SMPX: variants seen among roughly 807,000 people sequenced by gnomAD.
SMPX encodes the protein small muscular protein.
Under a neutral mutation model 6.3 loss-of-function variants are expected in SMPX, and 2 were observed. The ratio of observed to expected loss-of-function variants is 0.32; its 90% confidence interval spans 0.13 to 0.99. The LOEUF (loss-of-function observed/expected upper bound fraction) is 0.99. Ranked by LOEUF, SMPX falls within the 50% of genes least tolerant of loss-of-function variation. The pLI is 0.49. For missense variants in SMPX, 60 were observed against 66.8 expected, an observed-to-expected ratio of 0.90 and a Z score of 0.36; for synonymous variants, 32 against 24.7, an observed-to-expected ratio of 1.30 and a Z score of -0.88.
At chrX:21,757,571 G>C in intron 1 of SMPX, among the ~76,000 whole-genome samples, 1 of 112,016 alleles carries the variant, frequency 8.9e-6, no homozygotes, top group South Asian at 3.7e-4. Context: ...TAGCATTATA[G>C]CTTCTCTCTG....
chrX:21,715,304 GCGCGCA>G (rs1240725748), intron 4 of SMPX, among the ~76,000 whole-genome samples: 94 of 84,204 alleles, frequency 1.1e-3, no homozygotes, highest in African/African-American at 6.1e-3. Context: ...GTGTGTGTGT[GCGCGCA>G]CGCGCGCGCG....
At chrX:21,750,218 A>G (rs1404542504) in intron 2 of SMPX, among the ~76,000 whole-genome samples, 5 of 111,518 alleles carry the variant, frequency 4.5e-5, no homozygotes, top group Non-Finnish European at 7.5e-5. Flanking sequence ...CTGTCATGTC[A>G]AATTCTTTCA....
At chrX:21,740,206 T>C (rs2147388470) in intron 3 of SMPX, among the ~76,000 whole-genome samples, 1 of 112,482 alleles carries the variant, frequency 8.9e-6, no homozygotes, top group East Asian at 2.8e-4. Context: ...TCCATTTATA[T>C]TATGAATTTG....
intron 2 of SMPX, among the ~76,000 whole-genome samples, chrX:21,752,432 A>G (rs1448939720): frequency 8.9e-6 from 1 of 112,037 alleles, no homozygotes; most frequent in Non-Finnish European, 1.9e-5. Flanking sequence ...ACTTTAACAT[A>G]AAGTATTCCT....
At position 21,706,242 on chromosome X, in the gene SMPX, C is replaced by T. The variant is rs1411869874; in HGVS notation, c.*167G>A. 2 of 504,379 alleles carry T rather than the reference C, an allele frequency of 4.0e-6. No individual in the cohort carries two copies. The highest frequency in any genetic ancestry group is 2.3e-5 in the African/African-American group (1 of 43,061). 41.6% of individuals were successfully genotyped at this position (504,379 alleles called of 1,213,427 possible). ...AAAAATGAAGATAAAGTAAGAAATACAGCCAACTAGAAGGAAGAGATATAA... is the reference window on the plus strand; with the variant it reads ...AAAAATGAAGATAAAGTAAGAAATATAGCCAACTAGAAGGAAGAGATATAA... On this transcript the variant is annotated 3_prime_UTR_variant, in exon 5 of 5. Coordinates refer to ENST00000379494, the MANE Select transcript of SMPX (RefSeq NM_014332.3).
chrX:21,740,328 G>C (rs2092814712), intron 3 of SMPX, among the ~76,000 whole-genome samples: 1 of 112,029 alleles, frequency 8.9e-6, no homozygotes, highest in South Asian at 3.7e-4. Flanking sequence ...TTTGAATGAA[G>C]AAGGGACATG....
intron 4 of SMPX, among the ~76,000 whole-genome samples, chrX:21,715,169 T>G (rs1469234361): frequency 9.0e-6 from 1 of 111,112 alleles, no homozygotes; most frequent in African/African-American, 3.3e-5. Flanking sequence ...AGATAAGAGG[T>G]CAAATAAAGA....
intron 4 of SMPX, among the ~76,000 whole-genome samples, chrX:21,731,552 T>C (rs369620325): frequency 0.058 from 2,606 of 44,861 alleles, 212 homozygotes; most frequent in East Asian, 0.079. Context: ...TGTATGTGTA[T>C]ATATACACAT....
intron 2 of SMPX, among the ~76,000 whole-genome samples, chrX:21,750,564 CT>C (rs1216218879): frequency 8.9e-6 from 1 of 112,349 alleles, no homozygotes; most frequent in African/African-American, 3.2e-5. Flanking sequence ...TGGCATAGAA[CT>C]TTATCAGCTG....
rs1045660075 is a variant in SMPX, at chrX:21,757,930, C to T, written c.-13+12G>A. ...GAAAACCCAGTCGCCGGAGCTGCGT[C>T]CTTCTGCTTACCTGCTTTATGTATT... is the stretch of plus-strand genomic sequence containing the variant. On this transcript the variant is annotated intron_variant, in intron 1 of 4. Coordinates refer to ENST00000379494, the MANE Select transcript of SMPX (RefSeq NM_014332.3). 5.8e-5 allele frequency: 19 copies of T among 325,904 alleles called. No individual in the cohort carries two copies. The highest frequency in any genetic ancestry group is 7.9e-5 in the South Asian group (3 of 38,208). 26.9% of individuals were successfully genotyped at this position (325,904 alleles called of 1,213,427 possible).
At chrX:21,754,193 G>A (rs745557355) in intron 2 of SMPX, 53 bp downstream of exon 2, 26 of 1,059,496 alleles carry the variant, frequency 2.5e-5, no homozygotes, top group African/African-American at 5.5e-5. Flanking sequence ...GTGAACAATC[G>A]CCAGAAATAT....
At chrX:21,743,188 T>C (rs2092817801) in intron 3 of SMPX, among the ~76,000 whole-genome samples, 1 of 111,732 alleles carries the variant, frequency 8.9e-6, no homozygotes, top group African/African-American at 3.3e-5. Context: ...AAGTCCCCTT[T>C]TCAAAGGAAA....
chrX:21,712,100 C>T (rs749166129), intron 4 of SMPX, among the ~76,000 whole-genome samples: 120 of 112,124 alleles, frequency 1.1e-3, no homozygotes, highest in African/African-American at 3.7e-3. Flanking sequence ...GAATTGCACC[C>T]AAACAACTCC....
chrX:21,753,720 CACTT>C (rs1390873281), intron 2 of SMPX, among the ~76,000 whole-genome samples: 1 of 112,159 alleles, frequency 8.9e-6, no homozygotes, highest in African/African-American at 3.2e-5. Context: ...TTGTGGGTGA[CACTT>C]AAGTCAGTTT....
chrX:21,743,424 C>G (rs1569308473), intron 3 of SMPX, among the ~76,000 whole-genome samples: 1 of 71,862 alleles, frequency 1.4e-5, no homozygotes, highest in African/African-American at 8.2e-5. Context: ...CGTGCACACA[C>G]ACACACGCAT....
chrX:21,718,048 G>A (rs1013239294), intron 4 of SMPX, among the ~76,000 whole-genome samples: 1 of 112,025 alleles, frequency 8.9e-6, no homozygotes, highest in African/African-American at 3.3e-5. Flanking sequence ...ATGGGGAGCC[G>A]CTGAAGGATA....
rs375801254 is a variant in SMPX, at chrX:21,706,329, C to A, written c.*80G>T. The A allele has an allele frequency of 6.3e-6, 3 of 473,123 alleles. No individual in the cohort carries two copies. In the East Asian group the frequency reaches 1.2e-4, roughly 19 times the overall value. The allele number at this position is 473,123 out of a possible 1,213,427, so 39.0% of individuals were successfully genotyped here. A position where few individuals can be genotyped will look rare whatever the true frequency, so the allele number is the denominator to read the frequency against. ...ATTCAGGAGGTTCACAATCATCATA[C>A]AAATATATAAAATTTTAGTGAGCTA... On this transcript the variant is annotated 3_prime_UTR_variant, in exon 5 of 5. Transcript: ENST00000379494.
At chrX:21,708,465 G>C (rs2092775270) in intron 4 of SMPX, among the ~76,000 whole-genome samples, 1 of 112,205 alleles carries the variant, frequency 8.9e-6, no homozygotes, top group African/African-American at 3.2e-5. Context: ...GCATTGCTGT[G>C]ATGCAGGTTG....
At chrX:21,754,117 T>C in intron 2 of SMPX, 129 bp downstream of exon 2, 1 of 620,145 alleles carries the variant, frequency 1.6e-6, no homozygotes, top group East Asian at 3.3e-5. Context: ...ATATCCTTTC[T>C]CAATTGTACC....
Sources: gnomAD v4.1 joint callset for allele counts (sites outside exome capture counted in the v4.1 genomes callset) on GRCh38, gnomAD v4.1.1 for gene constraint, MANE v1.5 for transcripts, NCBI Gene and HGNC (gene_info 2026-07-23, HGNC 2026-07-21) for gene names.